Variants in PKNOX2 observed in about 807,000 individuals in gnomAD.
PKNOX2 encodes the protein PBX/knotted 1 homeobox 2, also known as homeobox protein PKNOX2.
Under a neutral mutation model 53.1 loss-of-function variants are expected in PKNOX2, and 14 were observed. The observed-to-expected ratio is 0.26, with a 90% CI of 0.17 to 0.41. The LOEUF (loss-of-function observed/expected upper bound fraction) is 0.41, where lower values mean the gene tolerates loss of function less well. PKNOX2 is among the 10% of genes least tolerant of loss of function. The pLI is 1.00. For missense variants in PKNOX2, 496 were observed against 602.8 expected, an observed-to-expected ratio of 0.82 and a Z score of 1.85; for synonymous variants, 257 against 242.8, an observed-to-expected ratio of 1.06 and a Z score of -0.54.
chr11:125,370,198 T>C lies in PKNOX2; in HGVS notation c.227+2213T>C, dbSNP rs983563136. Among the ~76,000 whole-genome samples, 1 of 152,166 alleles carries C rather than the reference T, an allele frequency of 6.6e-6. No homozygotes were observed. Among genetic ancestry groups the C allele is most frequent in the African/African-American group, 2.4e-5 (1 of 41,454 alleles). On this transcript the variant is annotated intron_variant, in intron 5 of 12. Coordinates refer to ENST00000298282, the MANE Select transcript of PKNOX2 (RefSeq NM_001382323.2). This position sits in a 1 kb window ranked among gnomAD's most constrained non-coding sequence, Gnocchi z 4.1. ...TGAGCTTTCATGTCCCGATGGAACC[T>C]AAGCAGCAGACTTGATAAGAATCAA...
intron 1 of PKNOX2, among the ~76,000 whole-genome samples, chr11:125,185,967 A>G (rs902621157): frequency 1.3e-5 from 2 of 152,200 alleles, no homozygotes. Flanking sequence ...TTTCCACAAC[A>G]GCTGCACTAT....
At position 125,321,333 on chromosome 11, in the gene PKNOX2, A is replaced by G. The variant is rs115430944; in HGVS notation, c.-129-10486A>G. On this transcript the variant is annotated intron_variant, in intron 2 of 12. Transcript: ENST00000298282. ...GGACTGATTTCAAGACCAACCACAGATACGAAAATTCACAGATGCTCAAGT... is the reference window on the plus strand; with the variant it reads ...GGACTGATTTCAAGACCAACCACAGGTACGAAAATTCACAGATGCTCAAGT... Among the ~76,000 whole-genome samples the G allele has an allele frequency of 2.9e-3, 435 of 152,362 alleles. 1 individual carries two copies. Among genetic ancestry groups the G allele is most frequent in the African/African-American group, 9.2e-3 (381 of 41,588 alleles).
intron 2 of PKNOX2, among the ~76,000 whole-genome samples, chr11:125,286,180 G>GA (rs1020710942): frequency 1.3e-5 from 2 of 152,034 alleles, no homozygotes; most frequent in Non-Finnish European, 2.9e-5. Context: ...AAAGGAATGG[G>GA]AAAAAAACAG....
At chr11:125,204,071 G>A (rs1266033386) in intron 1 of PKNOX2, among the ~76,000 whole-genome samples, 1 of 152,126 alleles carries the variant, frequency 6.6e-6, no homozygotes, top group Non-Finnish European at 1.5e-5. Context: ...AGAGAGGTTC[G>A]ACCTAGAAAG....
intron 1 of PKNOX2, among the ~76,000 whole-genome samples, chr11:125,233,192 C>T (rs1272861634): frequency 6.6e-6 from 1 of 152,144 alleles, no homozygotes; most frequent in Admixed American, 6.5e-5. Context: ...TGAATCTAGC[C>T]CTCCAGCACA....
chr11:125,390,279 C>G (rs926212317), intron 6 of PKNOX2, among the ~76,000 whole-genome samples: 1 of 152,228 alleles, frequency 6.6e-6, no homozygotes, highest in African/African-American at 2.4e-5. Context: ...GCAATTGAGG[C>G]AAGAGATGCA....
At chr11:125,170,042 G>C (rs1955162365) in intron 1 of PKNOX2, among the ~76,000 whole-genome samples, 1 of 152,216 alleles carries the variant, frequency 6.6e-6, no homozygotes, top group South Asian at 2.1e-4. Context: ...GGGAAGGCAA[G>C]GCCTGAGCCC....
At chr11:125,187,663 T>C (rs1956538501) in intron 1 of PKNOX2, among the ~76,000 whole-genome samples, 1 of 149,702 alleles carries the variant, frequency 6.7e-6, no homozygotes, top group South Asian at 2.1e-4. Context: ...GCCTTTTATT[T>C]CTTTTTTTTT....
Position 125,356,679 on chromosome 11 carries a change from C to T in PKNOX2, c.87+5287C>T, listed in dbSNP as rs550528461. On this transcript the variant is annotated intron_variant, in intron 4 of 12. Transcript: ENST00000298282. ...GCCAGCCACACTGAGGAAGCCAGAC[C>T]TGTCTCTCTGGGCACCTTCTTTCCC... 5.9e-5 allele frequency among the ~76,000 whole-genome samples: 9 copies of T among 152,352 alleles called. No individual in the cohort carries two copies. The South Asian group carries it at 1.5e-3, about 25-fold the overall frequency.
chr11:125,415,608 C>A (rs1277304636), intron 10 of PKNOX2, among the ~76,000 whole-genome samples: 2 of 152,124 alleles, frequency 1.3e-5, no homozygotes, highest in Non-Finnish European at 2.9e-5. Flanking sequence ...GAACACTTTA[C>A]ATCCCCCTTG....
Position 125,231,458 on chromosome 11 carries a change from C to T in PKNOX2, c.-200-3587C>T, listed in dbSNP as rs143233914. 4.0e-3 allele frequency among the ~76,000 whole-genome samples: 608 copies of T among 152,328 alleles called. 6 individuals are homozygous for T. The highest frequency in any genetic ancestry group is 0.013 in the African/African-American group (553 of 41,568). ...CATTTATGATTCCATTTTATTTTCA[C>T]GATGAATAAGACAAGCCTGAGTTCA... On this transcript the variant is annotated intron_variant, in intron 1 of 12. Coordinates refer to ENST00000298282, the MANE Select transcript of PKNOX2 (RefSeq NM_001382323.2).
intron 2 of PKNOX2, among the ~76,000 whole-genome samples, chr11:125,255,982 G>T (rs1290134652): frequency 6.6e-6 from 1 of 151,802 alleles, no homozygotes; most frequent in Non-Finnish European, 1.5e-5. Flanking sequence ...TCAAAATCTG[G>T]AATCAGGAGT....
chr11:125,264,779 G>A (rs1188906811), intron 2 of PKNOX2, among the ~76,000 whole-genome samples: 1 of 151,752 alleles, frequency 6.6e-6, no homozygotes, highest in African/African-American at 2.4e-5. Flanking sequence ...GGGAACAGGT[G>A]TGGAGTAGTT....
chr11:125,178,692 G>A (rs563608283), intron 1 of PKNOX2, among the ~76,000 whole-genome samples: 10,757 of 123,660 alleles, frequency 0.087, 1,485 homozygotes, highest in African/African-American at 0.27. Flanking sequence ...GAGAGAGAGA[G>A]AGAGAGAAAG....
At chr11:125,379,055 C>CTTTTTTTTTTTT (rs35310311) in intron 5 of PKNOX2, among the ~76,000 whole-genome samples, 1 of 124,442 alleles carries the variant, frequency 8.0e-6, no homozygotes. Flanking sequence ...TTTTCTTTCT[C>CTTTTTTTTTTTT]TTTTTTTTTT....
chr11:125,173,809 C>G (rs375887529), intron 1 of PKNOX2, among the ~76,000 whole-genome samples: 69 of 152,284 alleles, frequency 4.5e-4, no homozygotes, highest in African/African-American at 1.7e-3. Context: ...GGCTCGTGCC[C>G]GTGGTCATCA....
At chr11:125,325,091 G>C (rs1777219695) in intron 2 of PKNOX2, among the ~76,000 whole-genome samples, 1 of 152,220 alleles carries the variant, frequency 6.6e-6, no homozygotes. Flanking sequence ...AAGTGGGCTG[G>C]TCTTAGCTGA....
chr11:125,178,832 T>C (rs1329288064), intron 1 of PKNOX2, among the ~76,000 whole-genome samples: 1 of 152,036 alleles, frequency 6.6e-6, no homozygotes, highest in Admixed American at 6.5e-5. Flanking sequence ...TGGGCTTAAC[T>C]ACAGAAACAC....
rs1335241735 is a variant in PKNOX2 at position 125,433,331 on chromosome 11, A to T, written c.*1939A>T. The stretch of plus-strand genomic sequence containing the variant: ...TATGCAACCTCCTTCTGATGTATCC[A>T]CCAAACCAGTACTGAATGTGGCCGA... On this transcript the variant is annotated 3_prime_UTR_variant, in exon 13 of 13. Coordinates refer to ENST00000298282, the MANE Select transcript of PKNOX2 (RefSeq NM_001382323.2). 6.6e-6 allele frequency: 1 copy of T among 152,592 alleles called. No individual in the cohort carries two copies. The highest frequency in any genetic ancestry group is 1.9e-4 in the East Asian group (1 of 5,170). 9.5% of individuals were successfully genotyped at this position (152,592 alleles called of 1,614,324 possible).
Sources: allele counts gnomAD v4.1 joint callset (sites outside exome capture counted in the v4.1 genomes callset), GRCh38; gene constraint gnomAD v4.1.1; non-coding constraint Gnocchi (gnomAD v3.1); transcripts MANE v1.5; gene names NCBI Gene and HGNC (gene_info 2026-07-23, HGNC 2026-07-21).